ZNF250: variants seen among roughly 807,000 people sequenced by gnomAD.
The protein encoded by ZNF250 is zinc finger protein 250.
A neutral mutation model predicts 37.1 loss-of-function variants in ZNF250; 13 were observed. That is an observed-to-expected ratio of 0.35 (90% CI 0.23 to 0.56). The LOEUF is 0.56. ZNF250 is among the 20% of genes least tolerant of loss of function. The pLI, the probability that ZNF250 is intolerant of heterozygous loss-of-function variation, is 0.87. For synonymous variants in ZNF250, 251 were observed against 265.6 expected (o/e 0.94, Z 0.54); for missense variants, 474 against 697.9 (o/e 0.68, Z 3.61).
At chr8:144,887,341 G>T (rs1418513350) in intron 4 of ZNF250, among the ~76,000 whole-genome samples, 2 of 151,684 alleles carry the variant, frequency 1.3e-5, no homozygotes, top group Non-Finnish European at 2.9e-5. Flanking sequence ...AAACAGCAGG[G>T]TCAGGGCTGG....
chr8:144,891,574 G>A lies in ZNF250; in HGVS notation c.-54-1171C>T, dbSNP rs781108125. Among the ~76,000 whole-genome samples, 5 of 152,116 alleles carry A rather than the reference G, an allele frequency of 3.3e-5. No homozygotes were observed. Among genetic ancestry groups the A allele is most frequent in the Non-Finnish European group, 7.4e-5 (5 of 68,022 alleles). On this transcript the variant is annotated intron_variant, in intron 1 of 5. Transcript: ENST00000417550. This position sits in a 1 kb window ranked among gnomAD's most constrained non-coding sequence, Gnocchi z 4.0. Reference sequence around the variant, plus strand: ...CTACTAAAAATACAAAAATCAGGCCGGGTGCAGTGGCTTATGCCTGTAATC... The same window carrying A: ...CTACTAAAAATACAAAAATCAGGCCAGGTGCAGTGGCTTATGCCTGTAATC...
Position 144,890,103 on chromosome 8 carries a change from T to C in ZNF250, c.43-44A>G, listed in dbSNP as rs1280014841. The C allele has an allele frequency of 6.3e-7, 1 of 1,598,900 alleles. No homozygotes were observed. Reference sequence around the variant, plus strand: ...CTGCAGGTAAAACCAAATCCTGATGTCTGTGATGGGGAGTGGGTGCATGTG... The same window carrying C: ...CTGCAGGTAAAACCAAATCCTGATGCCTGTGATGGGGAGTGGGTGCATGTG... On this transcript the variant is annotated intron_variant, in intron 2 of 5. Transcript: ENST00000417550. The surrounding 1 kb of genome is among the most constrained non-coding windows in gnomAD (Gnocchi z 5.1).
At chr8:144,885,373 G>A (rs953162056) in intron 5 of ZNF250, among the ~76,000 whole-genome samples, 7 of 152,070 alleles carry the variant, frequency 4.6e-5, no homozygotes, top group Admixed American at 3.3e-4. Flanking sequence ...CATCTGCCTC[G>A]GCCTCCCAAA....
chr8:144,892,420 G>A (rs555249006), intron 1 of ZNF250, among the ~76,000 whole-genome samples: 1 of 152,292 alleles, frequency 6.6e-6, no homozygotes, highest in South Asian at 2.1e-4. Context: ...GTTGACAGAG[G>A]AACAGATGAA....
In ZNF250 at chr8:144,880,066, CAAA is replaced by C. The variant is rs61668478; in HGVS notation, c.*1446_*1448del. 42,568 of 133,638 alleles carry C rather than the reference CAAA, an allele frequency of 0.32. 6,698 individuals are homozygous for C. Among genetic ancestry groups the C allele is most frequent in the South Asian group, 0.48 (2,230 of 4,678 alleles). 8.3% of individuals were successfully genotyped at this position (133,638 alleles called of 1,614,324 possible). ...GGGGAACAAGAGCAAGACTTTGTCTCAAAAAAAAAAAAAAAAGTATGCTTAAAA... is the reference window on the plus strand; with the variant it reads ...GGGGAACAAGAGCAAGACTTTGTCTCAAAAAAAAAAAAAGTATGCTTAAAA... On this transcript the variant is annotated 3_prime_UTR_variant, in exon 6 of 6. Coordinates refer to ENST00000417550, the MANE Select transcript of ZNF250 (RefSeq NM_001109689.4).
intron 1 of ZNF250, among the ~76,000 whole-genome samples, chr8:144,894,445 C>T (rs1158838550): frequency 6.6e-6 from 1 of 152,126 alleles, no homozygotes; most frequent in Non-Finnish European, 1.5e-5. Flanking sequence ...CCCTTTATCC[C>T]TTGGCCTGTG....
Position 144,878,444 on chromosome 8 carries a change from T to G in ZNF250, c.*3071A>C, listed in dbSNP as rs929296328. The G allele has an allele frequency of 6.6e-6, 1 of 152,256 alleles. No individual in the cohort carries two copies. Among genetic ancestry groups the G allele is most frequent in the African/African-American group, 2.4e-5 (1 of 41,464 alleles). The allele number at this position is 152,256 out of a possible 1,614,324, so 9.4% of individuals were successfully genotyped here. On this transcript the variant is annotated 3_prime_UTR_variant, in exon 6 of 6. Coordinates refer to ENST00000417550, the MANE Select transcript of ZNF250 (RefSeq NM_001109689.4). The stretch of plus-strand genomic sequence containing the variant: ...CAGCTTAGTGATCTCATTTCCTTTC[T>G]GAAGAATCACATCAGCAGTCTCAGC...
At chr8:144,893,615 G>A (rs546105832) in intron 1 of ZNF250, among the ~76,000 whole-genome samples, 3 of 152,320 alleles carry the variant, frequency 2.0e-5, no homozygotes, top group African/African-American at 7.2e-5. Flanking sequence ...ACAGGCTTGA[G>A]TCACTGCGCC....
chr8:144,878,033 C>T lies in ZNF250; in HGVS notation c.*3482G>A, dbSNP rs1831234768. ...TGTGGACTCAGCTAACACAGGTTGG[C>T]AGCTTCCTTTCATAGAAGATTTAAG... On this transcript the variant is annotated 3_prime_UTR_variant, in exon 6 of 6. Coordinates refer to ENST00000417550, the MANE Select transcript of ZNF250 (RefSeq NM_001109689.4). 6.6e-6 allele frequency: 1 copy of T among 152,202 alleles called. No individual in the cohort carries two copies. The highest frequency in any genetic ancestry group is 1.5e-5 in the Non-Finnish European group (1 of 68,034). The allele number at this position is 152,202 out of a possible 1,614,324, so 9.4% of individuals were successfully genotyped here. A position where few individuals can be genotyped will look rare whatever the true frequency, so the allele number is the denominator to read the frequency against.
intron 1 of ZNF250, among the ~76,000 whole-genome samples, chr8:144,899,290 A>C (rs1353283598): frequency 6.6e-6 from 1 of 152,188 alleles, no homozygotes; most frequent in Non-Finnish European, 1.5e-5. Context: ...ACATACAGTC[A>C]GATATAATGA....
rs183242408 is a variant in ZNF250 at position 144,896,138 on chromosome 8, T to C, written c.-55+5261A>G. ...ACTTTGGGAGGCCAAGGTGGGAGAA[T>C]TGCTTGAGTTCAGGAGTTCAAGAAC... On this transcript the variant is annotated intron_variant, in intron 1 of 5. Coordinates refer to ENST00000417550, the MANE Select transcript of ZNF250 (RefSeq NM_001109689.4). Among the ~76,000 whole-genome samples, 13 of 151,776 alleles carry C rather than the reference T, an allele frequency of 8.6e-5. No individual in the cohort carries two copies. In the East Asian group the frequency reaches 2.5e-3, roughly 29 times the overall value.
rs752779641 is a variant in ZNF250 at position 144,889,602 on chromosome 8, C to T, written c.262G>A (p.Gly88Ser). The stretch of plus-strand genomic sequence containing the variant: ...TCACCTGAGTAGTCACTCCACAGGC[C>T]CTGGCTCTTCTTAGCCCCCTTCCTG... ...LDRKGAKKSQ[G>S]LWSDYSDNLK... is the part of the protein sequence containing the mutation. The change falls in exon 4 of 6, where the codon GGC becomes AGC. Residue 88 changes from glycine to serine, a missense_variant. Transcript: ENST00000417550. 19 of 1,613,844 alleles carry T rather than the reference C, an allele frequency of 1.2e-5. 1 individual carries two copies. In the South Asian group the frequency reaches 1.4e-4, roughly 12 times the overall value.
At chr8:144,885,826 C>T (rs1831834744) in intron 5 of ZNF250, among the ~76,000 whole-genome samples, 1 of 152,108 alleles carries the variant, frequency 6.6e-6, no homozygotes, top group Admixed American at 6.5e-5. Flanking sequence ...TGAAGTTTCA[C>T]CCGGTGTGGT....
Position 144,881,607 on chromosome 8 carries a change from C to T in ZNF250, c.1576G>A (p.Gly526Ser), listed in dbSNP as rs756048402. 6.2e-7 allele frequency: 1 copy of T among 1,613,960 alleles called. No homozygotes were observed. The highest frequency in any genetic ancestry group is 1.7e-5 in the Admixed American group (1 of 59,942). The change falls in exon 6 of 6, where the codon GGC becomes AGC. Residue 526 changes from glycine to serine, a missense_variant. By Grantham distance (56) the Gly-to-Ser change is moderately conservative (BLOSUM62 0). This residue lies in a region of ZNF250 where 282 missense variants were observed against 470.4 expected (regional missense o/e 0.60). Coordinates refer to ENST00000417550, the MANE Select transcript of ZNF250 (RefSeq NM_001109689.4). ...TCCCCGCACTCATAGGGCTTCTCGC[C>T]TGTGTGGATCCGCTGGTGCTGGATG... ...VLIQHQRIHT[G>S]EKPYECGECG...
Position 144,897,213 on chromosome 8 carries a change from C to T in ZNF250, c.-55+4186G>A, listed in dbSNP as rs1005578419. 6.6e-6 allele frequency among the ~76,000 whole-genome samples: 1 copy of T among 152,060 alleles called. No individual in the cohort carries two copies. Among genetic ancestry groups the T allele is most frequent in the African/African-American group, 2.4e-5 (1 of 41,390 alleles). On this transcript the variant is annotated intron_variant, in intron 1 of 5. Coordinates refer to ENST00000417550, the MANE Select transcript of ZNF250 (RefSeq NM_001109689.4). This position sits in a 1 kb window ranked among gnomAD's most constrained non-coding sequence, Gnocchi z 5.2. Reference sequence around the variant, plus strand: ...GATCTGGGATGAGCTTCCAGGATCTCCTCCAGGGCCACTGCCTTCTCCTGC... The same window carrying T: ...GATCTGGGATGAGCTTCCAGGATCTTCTCCAGGGCCACTGCCTTCTCCTGC...
At position 144,882,542 on chromosome 8, in the gene ZNF250, C is replaced by T. The variant is rs374701096; in HGVS notation, c.641G>A (p.Arg214His). Residue 214 changes from arginine (R) to histidine (H), a missense_variant, in exon 6 of 6, where the codon CGT becomes CAT. By Grantham distance (29) the Arg-to-His change is conservative (BLOSUM62 0). Transcript: ENST00000417550. This position sits in a 1 kb window ranked among gnomAD's most constrained non-coding sequence, Gnocchi z 5.5. ...ATAGGGCTTCTCTCCAGTGTGGATACGCTGATGCTGAAGGAGGTGGGAACT... is the reference window on the plus strand; with the variant it reads ...ATAGGGCTTCTCTCCAGTGTGGATATGCTGATGCTGAAGGAGGTGGGAACT... ...GRSSHLLQHQ[R>H]IHTGEKPYVC... 1 of 1,614,162 alleles carries T rather than the reference C, an allele frequency of 6.2e-7. No individual in the cohort carries two copies. Among genetic ancestry groups the T allele is most frequent in the Non-Finnish European group, 8.5e-7 (1 of 1,180,038 alleles).
intron 1 of ZNF250, among the ~76,000 whole-genome samples, chr8:144,900,428 A>C (rs1833023349): frequency 1.3e-5 from 2 of 152,162 alleles, no homozygotes; most frequent in Non-Finnish European, 2.9e-5. Context: ...TGCGTGCCTA[A>C]AGCTCTAACG....
chr8:144,892,773 G>T lies in ZNF250; in HGVS notation c.-54-2370C>A, dbSNP rs575356263. On this transcript the variant is annotated intron_variant, in intron 1 of 5. Coordinates refer to ENST00000417550, the MANE Select transcript of ZNF250 (RefSeq NM_001109689.4). ...GGGTTTCTCCATGTTGGTCAGGCTGGTCTTGAACTCCCGACCTCAGGTGAT... is the reference window on the plus strand; with the variant it reads ...GGGTTTCTCCATGTTGGTCAGGCTGTTCTTGAACTCCCGACCTCAGGTGAT... Among the ~76,000 whole-genome samples the T allele has an allele frequency of 1.1e-4, 17 of 151,958 alleles. No individual in the cohort carries two copies. The South Asian group carries it at 3.3e-3, about 30-fold the overall frequency.
chr8:144,882,150 C>T lies in ZNF250; in HGVS notation c.1033G>A (p.Val345Met), dbSNP rs1831526429. Residue 345 changes from valine to methionine, a missense_variant, in exon 6 of 6, where the codon GTG becomes ATG. Transcript: ENST00000417550. This position sits in a 1 kb window ranked among gnomAD's most constrained non-coding sequence, Gnocchi z 5.5. ...TGGTGCTGCAGCAGTGTCCTCTTCA[C>T]ACTGAAGGTTTTCCCACACTCATTG... ...RCNECGKTFSVKRTLLQHQRI... is the reference protein window; with the variant it reads ...RCNECGKTFSMKRTLLQHQRI... 1 of 1,613,754 alleles carries T rather than the reference C, an allele frequency of 6.2e-7. No individual in the cohort carries two copies. Among genetic ancestry groups the T allele is most frequent in the Non-Finnish European group, 8.5e-7 (1 of 1,179,914 alleles).
Sources: gnomAD v4.1 joint callset for allele counts (sites outside exome capture counted in the v4.1 genomes callset) on GRCh38, gnomAD v4.1.1 for gene constraint, gnomAD v4.1.1 regional missense constraint, Gnocchi (gnomAD v3.1) non-coding constraint, MANE v1.5 for transcripts, NCBI Gene and HGNC (gene_info 2026-07-23, HGNC 2026-07-21) for gene names.